DNAJC8: variants seen among roughly 807,000 people sequenced by gnomAD.
DNAJC8 encodes dnaJ homolog subfamily C member 8.
In DNAJC8, 24 loss-of-function variants were observed where a neutral mutation model predicts 43.2. The ratio of observed to expected loss-of-function variants is 0.56; its 90% CI spans 0.40 to 0.78. The LOEUF (loss-of-function observed/expected upper bound fraction) is 0.78, where lower values mean the gene tolerates loss of function less well. Ranked by LOEUF, DNAJC8 falls within the 30% of genes least tolerant of loss-of-function variation. The pLI is 0.00. For missense variants in DNAJC8, 207 were observed against 299.4 expected (o/e 0.69, Z 2.28); for synonymous variants, 83 against 98.0 (o/e 0.85, Z 0.90).
At chr1:28,208,511 G>T in intron 5 of DNAJC8, 98 bp from the exon 6 acceptor site, 1 of 631,546 alleles carries the variant, frequency 1.6e-6, no homozygotes, top group Non-Finnish European at 2.4e-6. Context: ...CTATAGGCAC[G>T]GGTATAGCAA....
chr1:28,217,619 T>A (rs1481536667), intron 2 of DNAJC8, among the ~76,000 whole-genome samples: 3 of 151,976 alleles, frequency 2.0e-5, no homozygotes, highest in South Asian at 2.1e-4. Context: ...CTGTAACTGT[T>A]CATACAAAAA....
At chr1:28,222,660 A>C (rs1333884556) in intron 2 of DNAJC8, among the ~76,000 whole-genome samples, 2 of 151,898 alleles carry the variant, frequency 1.3e-5, no homozygotes, top group East Asian at 3.9e-4. Flanking sequence ...ACAGACGTCT[A>C]CTCTGGGTGG....
At chr1:28,202,584 T>A (rs866142958) in intron 8 of DNAJC8, among the ~76,000 whole-genome samples, 1 of 104,158 alleles carries the variant, frequency 9.6e-6, no homozygotes, top group African/African-American at 4.1e-5. Context: ...CGGCCTTTTT[T>A]TTTCTTTTTT....
chr1:28,224,188 G>A (rs1405711628), intron 2 of DNAJC8, among the ~76,000 whole-genome samples: 1 of 152,106 alleles, frequency 6.6e-6, no homozygotes, highest in Non-Finnish European at 1.5e-5. Context: ...TTTTGATATG[G>A]ACAGGATATT....
At chr1:28,207,551 C>A (rs1407751903) in intron 6 of DNAJC8, among the ~76,000 whole-genome samples, 2 of 151,092 alleles carry the variant, frequency 1.3e-5, no homozygotes, top group Admixed American at 1.3e-4. Flanking sequence ...TCAAGCAATT[C>A]TCCTGCCTCA....
chr1:28,203,221 G>C (rs1365469465), intron 8 of DNAJC8, among the ~76,000 whole-genome samples: 1 of 152,014 alleles, frequency 6.6e-6, no homozygotes, highest in Non-Finnish European at 1.5e-5. Context: ...AAACCCTATA[G>C]AAGAAAAGAC....
chr1:28,231,709 T>A (rs1214053332), intron 1 of DNAJC8, among the ~76,000 whole-genome samples: 3 of 142,396 alleles, frequency 2.1e-5, no homozygotes, highest in African/African-American at 8.8e-5. Flanking sequence ...AGAGCAAAAC[T>A]CCGCCTTAGG....
intron 2 of DNAJC8, among the ~76,000 whole-genome samples, chr1:28,221,097 T>C (rs1646895048): frequency 6.6e-6 from 1 of 151,764 alleles, no homozygotes; most frequent in South Asian, 2.1e-4. Context: ...CCCAGCACTT[T>C]GGGAGGCTGA....
chr1:28,220,047 C>T (rs989276785), intron 2 of DNAJC8, among the ~76,000 whole-genome samples: 1 of 152,092 alleles, frequency 6.6e-6, no homozygotes, highest in Non-Finnish European at 1.5e-5. Flanking sequence ...GTTCTTGTTT[C>T]GAGGAGATGC....
chr1:28,230,408 T>C (rs1332687857), intron 1 of DNAJC8, among the ~76,000 whole-genome samples: 1 of 152,154 alleles, frequency 6.6e-6, no homozygotes, highest in Non-Finnish European at 1.5e-5. Flanking sequence ...ACATTTCCAA[T>C]GTTCAATAAA....
chr1:28,210,699 C>T, intron 3 of DNAJC8, 62 bp from the exon 4 acceptor site: 1 of 1,383,524 alleles, frequency 7.2e-7, no homozygotes, highest in Non-Finnish European at 1.0e-6. Flanking sequence ...TCCAGCCTGC[C>T]CTGTCTCGTT....
rs1040147258 is a variant in DNAJC8 at position 28,201,320 on chromosome 1, C to T, written c.690G>A (p.Thr230=). Residue 230 remains threonine, a synonymous_variant, in exon 9 of 9, where the codon ACG becomes ACA. Coordinates refer to ENST00000263697, the MANE Select transcript of DNAJC8 (RefSeq NM_014280.3). ...VDSWRNFQAN[T]KGKKEKKNRT... ...GATTTTTCTTCTCTTTCTTCCCCTT[C>T]GTATTGGCTTGGAAGTTTCGCCAGC... The T allele has an allele frequency of 2.5e-6, 4 of 1,613,574 alleles. No individual in the cohort carries two copies. The highest frequency in any genetic ancestry group is 3.4e-6 in the Non-Finnish European group (4 of 1,179,996).
intron 1 of DNAJC8, among the ~76,000 whole-genome samples, chr1:28,229,906 G>A (rs1022691542): frequency 2.6e-5 from 4 of 152,040 alleles, no homozygotes; most frequent in Admixed American, 2.0e-4. Flanking sequence ...AACTGTTGAT[G>A]GGAAGGAACA....
intron 1 of DNAJC8, among the ~76,000 whole-genome samples, chr1:28,231,031 C>T (rs1469253164): frequency 6.6e-6 from 1 of 152,156 alleles, no homozygotes; most frequent in Non-Finnish European, 1.5e-5. Flanking sequence ...TTATGAAACG[C>T]TTTCTTATAC....
intron 2 of DNAJC8, among the ~76,000 whole-genome samples, chr1:28,224,884 G>A (rs951611357): frequency 2.1e-5 from 3 of 142,530 alleles, no homozygotes; most frequent in Non-Finnish European, 3.2e-5. Flanking sequence ...ACTCTGTCAC[G>A]AAACAAACAA....
intron 3 of DNAJC8, among the ~76,000 whole-genome samples, chr1:28,212,235 T>C (rs1450187670): frequency 1.6e-5 from 2 of 124,732 alleles, no homozygotes; most frequent in African/African-American, 5.8e-5. Flanking sequence ...AACTATTCAA[T>C]ATAGATGGTG....
intron 2 of DNAJC8, 80 bp from the exon 3 acceptor site, chr1:28,215,076 A>G (rs1174773986): frequency 1.7e-6 from 2 of 1,208,274 alleles, no homozygotes; most frequent in Non-Finnish European, 2.3e-6. Context: ...GTAATTATAT[A>G]TATTATAATC....
intron 6 of DNAJC8, among the ~76,000 whole-genome samples, chr1:28,206,607 A>G (rs1646770351): frequency 6.6e-6 from 1 of 152,190 alleles, no homozygotes; most frequent in Non-Finnish European, 1.5e-5. Flanking sequence ...ATGAAATCAC[A>G]ATGCCCTCCC....
chr1:28,226,885 A>C (rs1428219176), intron 2 of DNAJC8, among the ~76,000 whole-genome samples: 2 of 151,192 alleles, frequency 1.3e-5, no homozygotes, highest in Admixed American at 6.6e-5. Context: ...ATTTATAATA[A>C]AATTGCTTTC....
Sources: allele counts gnomAD v4.1 joint callset (sites outside exome capture counted in the v4.1 genomes callset), GRCh38; gene constraint gnomAD v4.1.1; transcripts MANE v1.5; gene names NCBI Gene and HGNC (gene_info 2026-07-23, HGNC 2026-07-21).